MTA3: variants seen among roughly 807,000 people sequenced by gnomAD.
MTA3 encodes the protein metastasis associated 1 family member 3.
A neutral mutation model predicts 83.5 loss-of-function variants in MTA3; 34 were observed. The ratio of observed to expected loss-of-function variants is 0.41; its 90% CI spans 0.31 to 0.54. The LOEUF is 0.54. Ranked by LOEUF, MTA3 falls within the 20% of genes least tolerant of loss-of-function variation. The pLI is 0.33. For missense variants in MTA3, 761 were observed against 726.4 expected, an observed-to-expected ratio of 1.05 and a Z score of -0.55; for synonymous variants, 303 against 252.7, an observed-to-expected ratio of 1.20 and a Z score of -1.89.
intron 8 of MTA3, among the ~76,000 whole-genome samples, chr2:42,672,023 C>T (rs1426596576): frequency 6.6e-6 from 1 of 152,180 alleles, no homozygotes; most frequent in Admixed American, 6.5e-5. Context: ...ATCACCTCTC[C>T]TTGCCTGTAT....
intron 14 of MTA3, chr2:42,709,422 T>A: frequency 3.6e-6 from 2 of 557,190 alleles, no homozygotes; most frequent in Non-Finnish European, 5.2e-6. Context: ...CTTTTACCTT[T>A]TAGGTAGTGC....
intron 9 of MTA3, among the ~76,000 whole-genome samples, chr2:42,691,900 C>T (rs1692935152): frequency 6.6e-6 from 1 of 152,172 alleles, no homozygotes; most frequent in Non-Finnish European, 1.5e-5. Context: ...ATTGGAACTC[C>T]ATTATAAGTT....
At chr2:42,587,941 A>T (rs1680536192) in intron 3 of MTA3, among the ~76,000 whole-genome samples, 1 of 152,158 alleles carries the variant, frequency 6.6e-6, no homozygotes, top group South Asian at 2.1e-4. Context: ...TTATCTTATG[A>T]ATCACTGCAA....
intron 9 of MTA3, among the ~76,000 whole-genome samples, chr2:42,691,575 C>T (rs1219274393): frequency 1.3e-5 from 2 of 152,100 alleles, no homozygotes; most frequent in Non-Finnish European, 2.9e-5. Flanking sequence ...TGTTATAATA[C>T]TCAATGTGTT....
intron 3 of MTA3, among the ~76,000 whole-genome samples, chr2:42,581,031 G>A (rs761156648): frequency 3.3e-5 from 5 of 152,164 alleles, no homozygotes; most frequent in African/African-American, 9.7e-5. Flanking sequence ...TGTGTCATCC[G>A]TTTAGCCAGG....
At chr2:42,737,960 A>G (rs1438795675) in intron 16 of MTA3, among the ~76,000 whole-genome samples, 1 of 152,208 alleles carries the variant, frequency 6.6e-6, no homozygotes, top group African/African-American at 2.4e-5. Flanking sequence ...CTGGTTTCCC[A>G]GTGCATATAA....
intron 9 of MTA3, among the ~76,000 whole-genome samples, chr2:42,688,738 C>T (rs1289446206): frequency 1.3e-5 from 2 of 151,146 alleles, no homozygotes; most frequent in African/African-American, 2.4e-5. Flanking sequence ...ATTCTTTCTA[C>T]ATAGACAGTC....
chr2:42,665,785 T>G (rs939548366), intron 8 of MTA3, among the ~76,000 whole-genome samples: 7 of 152,198 alleles, frequency 4.6e-5, no homozygotes, highest in Non-Finnish European at 1.0e-4. Flanking sequence ...GAAGACTGTT[T>G]TACAGGTGAT....
chr2:42,572,260 CAG>C (rs1367360098), intron 2 of MTA3, among the ~76,000 whole-genome samples: 1 of 151,498 alleles, frequency 6.6e-6, no homozygotes, highest in African/African-American at 2.4e-5. Context: ...GCCTGGGTGA[CAG>C]AGTGAGACTG....
chr2:42,629,125 G>A (rs766867683), intron 4 of MTA3, among the ~76,000 whole-genome samples: 1 of 152,026 alleles, frequency 6.6e-6, no homozygotes, highest in African/African-American at 2.4e-5. Context: ...TGTGGCCCAC[G>A]CTGGAGTGCA....
chr2:42,495,407 A>G (rs1674085831), intron 2 of MTA3, among the ~76,000 whole-genome samples: 2 of 152,194 alleles, frequency 1.3e-5, no homozygotes, highest in Admixed American at 1.3e-4. Context: ...CTACTTTAGT[A>G]TCTACTAAAT....
rs560483621 is a variant in MTA3 at position 42,662,819 on chromosome 2, C to T, written c.702+2957C>T. ...CGATCTCGGCTCACTGCAATCTCCG[C>T]TTCCCGGGTTCAAGTGATTCTTCTG... On this transcript the variant is annotated intron_variant, in intron 8 of 16. Transcript: ENST00000405094. Among the ~76,000 whole-genome samples, 3 of 151,248 alleles carry T rather than the reference C, an allele frequency of 2.0e-5. No individual in the cohort carries two copies. In the East Asian group the frequency reaches 5.8e-4, roughly 29 times the overall value.
intron 8 of MTA3, among the ~76,000 whole-genome samples, chr2:42,681,954 C>A (rs917973567): frequency 6.6e-6 from 1 of 151,830 alleles, no homozygotes; most frequent in Non-Finnish European, 1.5e-5. Context: ...GAGACCTAAT[C>A]CTAGTGCTTT....
chr2:42,744,640 T>C (rs1003085917), intron 16 of MTA3, among the ~76,000 whole-genome samples: 1 of 151,904 alleles, frequency 6.6e-6, no homozygotes, highest in African/African-American at 2.4e-5. Context: ...CTCACATGTT[T>C]TGGGAGGAGG....
intron 3 of MTA3, among the ~76,000 whole-genome samples, chr2:42,586,136 G>C (rs552176541): frequency 2.0e-4 from 30 of 152,022 alleles, no homozygotes; most frequent in African/African-American, 7.0e-4. Context: ...AATTAACTGG[G>C]CATGGCAGCA....
intron 2 of MTA3, among the ~76,000 whole-genome samples, chr2:42,548,376 G>A (rs1033311048): frequency 6.6e-6 from 1 of 152,090 alleles, no homozygotes; most frequent in Non-Finnish European, 1.5e-5. Flanking sequence ...TGAGGCACAA[G>A]AATTGCTTGA....
chr2:42,586,045 A>T (rs1014506868), intron 3 of MTA3, among the ~76,000 whole-genome samples: 1 of 151,930 alleles, frequency 6.6e-6, no homozygotes, highest in South Asian at 2.1e-4. Context: ...GCACTTTGGG[A>T]GGCCGAGGTG....
intron 3 of MTA3, among the ~76,000 whole-genome samples, chr2:42,579,959 G>A (rs1438536366): frequency 6.6e-6 from 1 of 151,186 alleles, no homozygotes; most frequent in Admixed American, 6.6e-5. Context: ...TTTTTGGTGA[G>A]GGGACTAGGT....
At chr2:42,667,744 C>T (rs1329416175) in intron 8 of MTA3, among the ~76,000 whole-genome samples, 3 of 152,158 alleles carry the variant, frequency 2.0e-5, no homozygotes, top group African/African-American at 7.2e-5. Context: ...AAGTGATCCT[C>T]CTACTTGAGC....
Sources: gnomAD v4.1 joint callset for allele counts (sites outside exome capture counted in the v4.1 genomes callset) on GRCh38, gnomAD v4.1.1 for gene constraint, MANE v1.5 for transcripts, NCBI Gene and HGNC (gene_info 2026-07-23, HGNC 2026-07-21) for gene names.